The following PHTF1 variants were observed in gnomAD, a reference collection of about 807,000 sequenced individuals.
PHTF1 encodes putative homeodomain transcription factor 1.
Under a neutral mutation model 102.4 loss-of-function variants are expected in PHTF1, and 88 were observed. The observed-to-expected ratio is 0.86, with a 90% CI of 0.72 to 1.03. The LOEUF (loss-of-function observed/expected upper bound fraction) is 1.03. Among genes scored for constraint, PHTF1 ranks in the 50% least tolerant of loss-of-function variants. PHTF1 has a pLI of 0.00. For synonymous variants in PHTF1, 289 were observed against 305.2 expected, an observed-to-expected ratio of 0.95 and a Z score of 0.55; for missense variants, 814 against 909.5, an observed-to-expected ratio of 0.89 and a Z score of 1.35.
intron 3 of PHTF1, 122 bp downstream of exon 3, chr1:113,757,577 T>A: frequency 2.9e-6 from 2 of 692,774 alleles, no homozygotes; most frequent in Non-Finnish European, 5.1e-6. Flanking sequence ...GCTTTTCTTA[T>A]AACCTTCAAA....
chr1:113,750,787 C>T (rs970977573), intron 3 of PHTF1, among the ~76,000 whole-genome samples: 10 of 147,952 alleles, frequency 6.8e-5, no homozygotes, highest in Non-Finnish European at 1.0e-4. Context: ...ACCTGGGAGG[C>T]GGAAGTTGCT....
At chr1:113,723,804 T>TA (rs1288586838) in intron 7 of PHTF1, among the ~76,000 whole-genome samples, 1 of 152,018 alleles carries the variant, frequency 6.6e-6, no homozygotes, top group Non-Finnish European at 1.5e-5. Flanking sequence ...AGCATCTATA[T>TA]AGCAAAGGAA....
chr1:113,737,384 A>C (rs1655655919), intron 5 of PHTF1, among the ~76,000 whole-genome samples: 1 of 152,232 alleles, frequency 6.6e-6, no homozygotes. Context: ...AAAGCAGGCA[A>C]TTAGATTTAT....
At chr1:113,712,502 T>A (rs1198429150) in intron 8 of PHTF1, among the ~76,000 whole-genome samples, 1 of 152,180 alleles carries the variant, frequency 6.6e-6, no homozygotes, top group Non-Finnish European at 1.5e-5. Flanking sequence ...ATGAGATAAG[T>A]TAGTATACGT....
rs1165478658 is a variant in PHTF1 at position 113,710,436 on chromosome 1, T to C, written c.1087A>G (p.Asn363Asp). Residue 363 changes from asparagine (N) to aspartate (D), a missense_variant, in exon 11 of 19, where the codon AAC becomes GAC. By Grantham distance (23) the Asn-to-Asp change is conservative. Transcript: ENST00000369604. ...CTTTCTGAGTCTCTTCTTGACATGT[T>C]GAGGCTTCGAGAGCCACCACTCACA... ...SGVSGGSRSL[N>D]MSRRDSESTR... The C allele has an allele frequency of 6.2e-7, 1 of 1,613,974 alleles. No homozygotes were observed. The highest frequency in any genetic ancestry group is 1.3e-5 in the African/African-American group (1 of 74,906).
In PHTF1 at chr1:113,730,510, G is replaced by A. The variant is rs182456053; in HGVS notation, c.332-3936C>T. ...GAAAGTAAATGAAATGTATGTGAAA[G>A]GAGAAAACCAAATTGTCATTATTTG... On this transcript the variant is annotated intron_variant, in intron 5 of 18. Transcript: ENST00000369604. 2.8e-3 allele frequency among the ~76,000 whole-genome samples: 429 copies of A among 152,194 alleles called. 1 individual carries two copies. The highest frequency in any genetic ancestry group is 9.0e-3 in the African/African-American group (374 of 41,534).
rs1403127016 is a variant in PHTF1 at position 113,759,057 on chromosome 1, A to C, written c.-65T>G. On this transcript the variant is annotated 5_prime_UTR_variant, in exon 1 of 19. Transcript: ENST00000369604. ...GTTGCCCCGCGGGCCGGCGCCCGGG[A>C]CCTCCGTCCTCAGTGCCCGGGGTCC... The C allele has an allele frequency of 9.9e-7, 1 of 1,005,088 alleles. No homozygotes were observed. The highest frequency in any genetic ancestry group is 1.2e-6 in the Non-Finnish European group (1 of 843,416). The allele number at this position is 1,005,088 out of a possible 1,614,324, so 62.3% of individuals were successfully genotyped here. A position where few individuals can be genotyped will look rare whatever the true frequency, so the allele number is the denominator to read the frequency against.
chr1:113,748,518 T>C (rs1314574736), intron 3 of PHTF1, among the ~76,000 whole-genome samples: 2 of 152,048 alleles, frequency 1.3e-5, no homozygotes, highest in East Asian at 1.9e-4. Flanking sequence ...CCACTGAATT[T>C]ATTTTAATTT....
At chr1:113,720,216 A>G (rs1395280660) in intron 7 of PHTF1, among the ~76,000 whole-genome samples, 1 of 152,336 alleles carries the variant, frequency 6.6e-6, no homozygotes, top group Non-Finnish European at 1.5e-5. Context: ...TTATATAATG[A>G]TAAAGGGGTC....
At position 113,759,214 on chromosome 1, in the gene PHTF1, C is replaced by T. The variant is rs567245608; in HGVS notation, c.-222G>A. Reference sequence around the variant, plus strand: ...GCTTCGGAGGCAGCCGGCCGCCCAGCGCCCTGAGGGCGGCAAATCGATCGC... The same window carrying T: ...GCTTCGGAGGCAGCCGGCCGCCCAGTGCCCTGAGGGCGGCAAATCGATCGC... On this transcript the variant is annotated 5_prime_UTR_variant, in exon 1 of 19. Coordinates refer to ENST00000369604, the MANE Select transcript of PHTF1 (RefSeq NM_001323043.2). 2 of 410,324 alleles carry T rather than the reference C, an allele frequency of 4.9e-6. No individual in the cohort carries two copies. The highest frequency in any genetic ancestry group is 6.6e-6 in the Non-Finnish European group (2 of 303,718). 25.4% of individuals were successfully genotyped at this position (410,324 alleles called of 1,614,324 possible).
chr1:113,715,573 A>C (rs1651851420), intron 7 of PHTF1, among the ~76,000 whole-genome samples: 1 of 135,774 alleles, frequency 7.4e-6, no homozygotes, highest in Non-Finnish European at 1.5e-5. Flanking sequence ...ACTTGAGCCT[A>C]GGAGGTGGAG....
intron 5 of PHTF1, among the ~76,000 whole-genome samples, chr1:113,728,487 G>A (rs955318154): frequency 5.3e-5 from 8 of 152,180 alleles, no homozygotes; most frequent in African/African-American, 9.7e-5. Context: ...GGGAACCCCC[G>A]TACACTGTTG....
chr1:113,710,621 A>C, intron 10 of PHTF1, 146 bp from the exon 11 acceptor site: 1 of 636,378 alleles, frequency 1.6e-6, no homozygotes, highest in Non-Finnish European at 2.7e-6. Context: ...ACAGGGCTTC[A>C]CGTAACAATA....
intron 5 of PHTF1, among the ~76,000 whole-genome samples, chr1:113,736,822 G>A (rs1655572903): frequency 6.6e-6 from 1 of 152,170 alleles, no homozygotes; most frequent in Admixed American, 6.5e-5. Flanking sequence ...GAGCAGAGTG[G>A]TAAGAAATAG....
chr1:113,752,186 A>C (rs939820769), intron 3 of PHTF1, among the ~76,000 whole-genome samples: 3 of 152,062 alleles, frequency 2.0e-5, no homozygotes, highest in Admixed American at 2.0e-4. Flanking sequence ...TAATTTCTCT[A>C]AGCAATGTTT....
Position 113,698,616 on chromosome 1 carries a change from TATATACACACACAC to T in PHTF1, c.2143-243_2143-230del, listed in dbSNP as rs772229131. On this transcript the variant is annotated intron_variant, in intron 17 of 18. Transcript: ENST00000369604. ...TATGTCATTTGTAGTTTTATATATA[TATATACACACACAC>T]ACACACACACACACACACACACACA... Among the ~76,000 whole-genome samples the T allele has an allele frequency of 2.6e-3, 294 of 114,118 alleles. 1 individual carries two copies. The highest frequency in any genetic ancestry group is 7.8e-3 in the African/African-American group (198 of 25,544). The allele number at this position is 114,118 out of a possible 152,430, so 74.9% of individuals were successfully genotyped here. A position where few individuals can be genotyped will look rare whatever the true frequency, so the allele number is the denominator to read the frequency against.
chr1:113,750,628 GC>G (rs1282825826), intron 3 of PHTF1, among the ~76,000 whole-genome samples: 2 of 152,012 alleles, frequency 1.3e-5, no homozygotes, highest in Non-Finnish European at 2.9e-5. Context: ...GGAGGCCAAG[GC>G]AGGCAGATCA....
Position 113,697,452 on chromosome 1 carries a change from C to A in PHTF1, c.*253G>T. 2.5e-6 allele frequency: 1 copy of A among 400,882 alleles called. No homozygotes were observed. Among genetic ancestry groups the A allele is most frequent in the Non-Finnish European group, 4.5e-6 (1 of 220,494 alleles). The allele number at this position is 400,882 out of a possible 1,614,324, so 24.8% of individuals were successfully genotyped here. On this transcript the variant is annotated 3_prime_UTR_variant, in exon 19 of 19. Transcript: ENST00000369604. ...TTACAAAATTGTCTTTGTGTTACCA[C>A]AACACACACAGTCTTTAGTCAGCTG...
intron 13 of PHTF1, among the ~76,000 whole-genome samples, chr1:113,705,565 T>C (rs766878817): frequency 1.4e-4 from 22 of 152,332 alleles, no homozygotes; most frequent in Middle Eastern, 3.4e-3. Context: ...ACAAAAACAT[T>C]ATCACATGTA....
Sources: allele counts gnomAD v4.1 joint callset (sites outside exome capture counted in the v4.1 genomes callset), GRCh38; gene constraint gnomAD v4.1.1; transcripts MANE v1.5; gene names NCBI Gene and HGNC (gene_info 2026-07-23, HGNC 2026-07-21).